The following LHPP variants were observed in gnomAD, a reference collection of about 807,000 sequenced individuals.
The protein encoded by LHPP is phospholysine phosphohistidine inorganic pyrophosphate phosphatase, also known as hLHPP.
LHPP carries 24 observed loss-of-function variants against 30.3 expected under a neutral mutation model. That is an observed-to-expected ratio of 0.79 (90% CI 0.57 to 1.11). The LOEUF (loss-of-function observed/expected upper bound fraction) is 1.11, where lower values mean the gene tolerates loss of function less well. LHPP is among the 50% of genes most tolerant of loss of function. The pLI is 0.00. For synonymous variants in LHPP, 150 were observed against 157.1 expected (o/e 0.95, Z 0.34); for missense variants, 356 against 367.2 (o/e 0.97, Z 0.25).
At chr10:124,539,728 C>A (rs1051605725) in intron 6 of LHPP, among the ~76,000 whole-genome samples, 1 of 115,194 alleles carries the variant, frequency 8.7e-6, no homozygotes, top group African/African-American at 3.4e-5. Context: ...AGAGCAAAAC[C>A]CTGTCTCAAA....
chr10:124,539,888 C>T (rs192964981), intron 6 of LHPP, among the ~76,000 whole-genome samples: 284 of 152,194 alleles, frequency 1.9e-3, no homozygotes, highest in Non-Finnish European at 2.5e-3. Flanking sequence ...GGCGACAGAG[C>T]GAGACCCTGT....
At chr10:124,563,812 C>T (rs1319642719) in intron 6 of LHPP, among the ~76,000 whole-genome samples, 1 of 152,220 alleles carries the variant, frequency 6.6e-6, no homozygotes. Flanking sequence ...GACAGGCGTT[C>T]TTGGTTCAGA....
chr10:124,512,191 G>A lies in LHPP; in HGVS notation c.625-4989G>A, dbSNP rs1386425415. 2.0e-5 allele frequency among the ~76,000 whole-genome samples: 3 copies of A among 152,212 alleles called. No homozygotes were observed. In the East Asian group the frequency reaches 5.8e-4, roughly 29 times the overall value. ...GTGCCCACTGCCTGGCCTGGCACTGGCCTGCGAAGGCCTAGGGCAAAGGTA... is the reference window on the plus strand; with the variant it reads ...GTGCCCACTGCCTGGCCTGGCACTGACCTGCGAAGGCCTAGGGCAAAGGTA... On this transcript the variant is annotated intron_variant, in intron 5 of 6. Transcript: ENST00000368842.
chr10:124,479,072 A>G (rs548341361), intron 1 of LHPP, among the ~76,000 whole-genome samples: 135 of 147,342 alleles, frequency 9.2e-4, no homozygotes, highest in African/African-American at 3.2e-3. Flanking sequence ...CTGTCTCAAA[A>G]AAAAAAAAAA....
In LHPP at chr10:124,602,046, G is replaced by A. The variant is rs570315462; in HGVS notation, c.717-11218G>A. Among the ~76,000 whole-genome samples the A allele has an allele frequency of 4.6e-5, 7 of 152,342 alleles. No homozygotes were observed. The East Asian group carries it at 1.3e-3, about 29-fold the overall frequency. On this transcript the variant is annotated intron_variant, in intron 6 of 6. Coordinates refer to ENST00000368842, the MANE Select transcript of LHPP (RefSeq NM_022126.4). ...GCCCCAGCTCCATCCGGGGGTGGGT[G>A]GGAGTGGAGACCCCTGCCTACAGGC...
At chr10:124,509,440 C>CT (rs909997568) in intron 5 of LHPP, among the ~76,000 whole-genome samples, 2 of 152,284 alleles carry the variant, frequency 1.3e-5, no homozygotes, top group African/African-American at 4.8e-5. Context: ...AGTGGTGTGG[C>CT]TGGGAGGCTG....
At chr10:124,552,679 G>A (rs12241406) in intron 6 of LHPP, among the ~76,000 whole-genome samples, 16,430 of 152,092 alleles carry the variant, frequency 0.11, 1,235 homozygotes, top group East Asian at 0.28. Context: ...TGGACTGGAC[G>A]CGTGGCTGCC....
At chr10:124,612,989 C>T (rs539232485) in intron 6 of LHPP, 39 of 515,320 alleles carry the variant, frequency 7.6e-5, no homozygotes, top group African/African-American at 4.8e-4. Context: ...GGAGCTGGGC[C>T]GGCTGTCACT....
At position 124,553,907 on chromosome 10, in the gene LHPP, G is replaced by A. The variant is rs567994289; in HGVS notation, c.716+36636G>A. ...TGTCTTACCACAGGCTAAGCTGTTG[G>A]CATCTGTTCTTTTCCTGCTCCAGGA... On this transcript the variant is annotated intron_variant, in intron 6 of 6. Transcript: ENST00000368842. 78 of 985,476 alleles carry A rather than the reference G, an allele frequency of 7.9e-5. No homozygotes were observed. The South Asian group carries it at 1.5e-3, about 19-fold the overall frequency. 61.0% of individuals were successfully genotyped at this position (985,476 alleles called of 1,614,324 possible).
intron 6 of LHPP, chr10:124,553,946 C>T (rs1433319010): frequency 2.0e-6 from 2 of 985,340 alleles, no homozygotes; most frequent in Admixed American, 6.1e-5. Context: ...ACAGAGCCCC[C>T]CTGTTGTCCT....
intron 1 of LHPP, among the ~76,000 whole-genome samples, chr10:124,474,230 C>T (rs1338707340): frequency 1.3e-5 from 2 of 148,236 alleles, no homozygotes; most frequent in Admixed American, 6.9e-5. Flanking sequence ...GCCTCGACCT[C>T]CTGGGCTCAA....
At chr10:124,569,826 G>T (rs533814740) in intron 6 of LHPP, among the ~76,000 whole-genome samples, 1 of 152,294 alleles carries the variant, frequency 6.6e-6, no homozygotes, top group African/African-American at 2.4e-5. Context: ...GTTGATCGAG[G>T]TATAACACCC....
At chr10:124,594,890 CA>C (rs1948923398) in intron 6 of LHPP, among the ~76,000 whole-genome samples, 1 of 152,152 alleles carries the variant, frequency 6.6e-6, no homozygotes, top group Non-Finnish European at 1.5e-5. Context: ...CTCAGCTTCC[CA>C]AAGTGCTGGG....
At chr10:124,471,274 A>G (rs1952723510) in intron 1 of LHPP, among the ~76,000 whole-genome samples, 1 of 150,562 alleles carries the variant, frequency 6.6e-6, no homozygotes, top group Non-Finnish European at 1.5e-5. Flanking sequence ...TTGGTTAGTC[A>G]CAGGTCACTG....
rs1397827130 is a variant in LHPP, at chr10:124,510,101, A to G, written c.625-7079A>G. ...TGGGTTCTGGGGGGTCCGACCTTTC[A>G]TTTTTTTCTCCGCCTCACACCCCAC... On this transcript the variant is annotated intron_variant, in intron 5 of 6. Transcript: ENST00000368842. The surrounding 1 kb of genome is among the most constrained non-coding windows in gnomAD (Gnocchi z 4.0). Among the ~76,000 whole-genome samples the G allele has an allele frequency of 6.6e-6, 1 of 151,356 alleles. No homozygotes were observed. The highest frequency in any genetic ancestry group is 2.4e-5 in the African/African-American group (1 of 41,120).
intron 6 of LHPP, among the ~76,000 whole-genome samples, chr10:124,565,981 G>A (rs771208964): frequency 6.6e-6 from 1 of 152,272 alleles, no homozygotes; most frequent in Non-Finnish European, 1.5e-5. Context: ...AGTCCGCAGA[G>A]GGCCTTTGCC....
At chr10:124,532,355 C>T (rs1019073703) in intron 6 of LHPP, among the ~76,000 whole-genome samples, 9 of 152,232 alleles carry the variant, frequency 5.9e-5, no homozygotes, top group Admixed American at 1.3e-4. Flanking sequence ...AGGAAAGATG[C>T]GCATGGTATG....
chr10:124,608,233 C>T (rs930389532), intron 6 of LHPP, among the ~76,000 whole-genome samples: 1 of 152,106 alleles, frequency 6.6e-6, no homozygotes, highest in South Asian at 2.1e-4. Context: ...TCCCTGTGCC[C>T]CATGTAGCCC....
chr10:124,473,507 C>T, intron 1 of LHPP, among the ~76,000 whole-genome samples: 1 of 147,788 alleles, frequency 6.8e-6, no homozygotes, highest in East Asian at 1.9e-4. Context: ...CGTGGGTTTC[C>T]AATCCCAGCT....
Sources: allele counts gnomAD v4.1 joint callset (sites outside exome capture counted in the v4.1 genomes callset), GRCh38; gene constraint gnomAD v4.1.1; non-coding constraint Gnocchi (gnomAD v3.1); transcripts MANE v1.5; gene names NCBI Gene and HGNC (gene_info 2026-07-23, HGNC 2026-07-21).